The following ST6GALNAC3 variants were observed in gnomAD, a reference collection of about 807,000 sequenced individuals.
The protein encoded by ST6GALNAC3 is alpha-N-acetylgalactosaminide alpha-2,6-sialyltransferase 3.
Under a neutral mutation model 32.7 loss-of-function variants are expected in ST6GALNAC3, and 25 were observed. That is an observed-to-expected ratio of 0.76 (90% CI 0.56 to 1.07). ST6GALNAC3 has a LOEUF of 1.07. Ranked by LOEUF, ST6GALNAC3 falls within the 50% of genes least tolerant of loss-of-function variation. ST6GALNAC3 has a pLI of 0.00. For synonymous variants in ST6GALNAC3, 129 were observed against 133.1 expected (o/e 0.97, Z 0.21); for missense variants, 355 against 382.4 (o/e 0.93, Z 0.60).
At chr1:76,463,161 T>A (rs552676409) in intron 3 of ST6GALNAC3, among the ~76,000 whole-genome samples, 2 of 152,312 alleles carry the variant, frequency 1.3e-5, no homozygotes, top group East Asian at 3.9e-4. Context: ...GTTCTAAAAA[T>A]TTTAATAGTG....
chr1:76,579,624 T>G (rs1242448409), intron 3 of ST6GALNAC3, among the ~76,000 whole-genome samples: 1 of 152,064 alleles, frequency 6.6e-6, no homozygotes, highest in Non-Finnish European at 1.5e-5. Flanking sequence ...CCTTTTCTTT[T>G]TTTCTTCTTG....
At chr1:76,364,606 C>G (rs1357534369) in intron 2 of ST6GALNAC3, among the ~76,000 whole-genome samples, 1 of 150,976 alleles carries the variant, frequency 6.6e-6, no homozygotes, top group Non-Finnish European at 1.5e-5. Flanking sequence ...CAATATTTTC[C>G]AAACTTATTA....
Position 76,357,385 on chromosome 1 carries a change from C to T in ST6GALNAC3, c.213+43386C>T, listed in dbSNP as rs1354457221. On this transcript the variant is annotated intron_variant, in intron 2 of 4. Transcript: ENST00000328299. ...TCCTGACCCCAGGTGATCAACCCGCCTTGGCCTCCAAAAGACCATGCTGGT... is the reference window on the plus strand; with the variant it reads ...TCCTGACCCCAGGTGATCAACCCGCTTTGGCCTCCAAAAGACCATGCTGGT... Among the ~76,000 whole-genome samples, 3 of 152,130 alleles carry T rather than the reference C, an allele frequency of 2.0e-5. No individual in the cohort carries two copies. In the South Asian group the frequency reaches 6.2e-4, roughly 32 times the overall value.
intron 1 of ST6GALNAC3, among the ~76,000 whole-genome samples, chr1:76,153,039 A>T (rs1446554556): frequency 6.6e-6 from 1 of 152,228 alleles, no homozygotes; most frequent in African/African-American, 2.4e-5. Context: ...CGTTTTGAAG[A>T]TATTGGATAC....
chr1:76,266,747 T>G (rs1658550010), intron 1 of ST6GALNAC3, among the ~76,000 whole-genome samples: 1 of 152,162 alleles, frequency 6.6e-6, no homozygotes, highest in Non-Finnish European at 1.5e-5. Flanking sequence ...AGCCACCGAC[T>G]GTGCTCTCTT....
chr1:76,464,243 T>C (rs140476975), intron 3 of ST6GALNAC3, among the ~76,000 whole-genome samples: 1 of 152,294 alleles, frequency 6.6e-6, no homozygotes, highest in East Asian at 1.9e-4. Context: ...TTCAAAAGAC[T>C]TACGTATTTG....
At position 76,622,376 on chromosome 1, in the gene ST6GALNAC3, G is replaced by A. The variant is rs984558253; in HGVS notation, c.624-5076G>A. Among the ~76,000 whole-genome samples, 5 of 151,976 alleles carry A rather than the reference G, an allele frequency of 3.3e-5. No individual in the cohort carries two copies. In the South Asian group the frequency reaches 8.3e-4, roughly 25 times the overall value. ...TAAGATAATGGGTTTAGATGGACTT[G>A]TAAAGAAGGGAGAAGGAAGTACGAT... On this transcript the variant is annotated intron_variant, in intron 3 of 4. Transcript: ENST00000328299.
In ST6GALNAC3 at chr1:76,629,282, G is replaced by A; in HGVS notation, c.*476G>A. On this transcript the variant is annotated 3_prime_UTR_variant, in exon 5 of 5. Transcript: ENST00000328299. The stretch of plus-strand genomic sequence containing the variant: ...ACACTGACCCAAGAACTGCTATCAG[G>A]GTGCAAGTATCTTACTACTTAGCCT... The A allele has an allele frequency of 7.1e-6, 7 of 988,214 alleles. No homozygotes were observed. Among genetic ancestry groups the A allele is most frequent in the Non-Finnish European group, 8.4e-6 (7 of 832,158 alleles). The allele number at this position is 988,214 out of a possible 1,614,324, so 61.2% of individuals were successfully genotyped here. A position where few individuals can be genotyped will look rare whatever the true frequency, so the allele number is the denominator to read the frequency against.
intron 1 of ST6GALNAC3, among the ~76,000 whole-genome samples, chr1:76,226,374 G>C (rs1406607927): frequency 2.0e-5 from 3 of 152,164 alleles, no homozygotes; most frequent in East Asian, 3.9e-4. Context: ...GCTTCCTTCG[G>C]TCTAGTTGGA....
chr1:76,488,061 TG>T (rs1660243996), intron 3 of ST6GALNAC3, among the ~76,000 whole-genome samples: 2 of 152,122 alleles, frequency 1.3e-5, no homozygotes, highest in African/African-American at 4.8e-5. Context: ...CCAGAAGTCC[TG>T]GGAAGAAGAG....
chr1:76,439,621 C>G (rs1261440198), intron 3 of ST6GALNAC3, among the ~76,000 whole-genome samples: 2 of 152,220 alleles, frequency 1.3e-5, no homozygotes, highest in East Asian at 3.9e-4. Context: ...ATAGCATACA[C>G]CCTGTTAGGA....
chr1:76,558,595 A>G (rs938983682), intron 3 of ST6GALNAC3, among the ~76,000 whole-genome samples: 7 of 152,064 alleles, frequency 4.6e-5, no homozygotes, highest in African/African-American at 1.7e-4. Context: ...GGGGACCCCT[A>G]GAGTAGGGAG....
chr1:76,281,749 A>C (rs939584443), intron 1 of ST6GALNAC3, among the ~76,000 whole-genome samples: 1 of 152,116 alleles, frequency 6.6e-6, no homozygotes, highest in African/African-American at 2.4e-5. Flanking sequence ...TCACTTTGCT[A>C]CTCGATTATG....
chr1:76,239,252 T>A (rs1656834155), intron 1 of ST6GALNAC3, among the ~76,000 whole-genome samples: 1 of 152,068 alleles, frequency 6.6e-6, no homozygotes, highest in Non-Finnish European at 1.5e-5. Context: ...AGTTTTTGAA[T>A]ATATGGCCCA....
At chr1:76,344,244 A>G (rs576380438) in intron 2 of ST6GALNAC3, among the ~76,000 whole-genome samples, 8 of 152,320 alleles carry the variant, frequency 5.3e-5, no homozygotes, top group African/African-American at 1.4e-4. Flanking sequence ...GGTCAGAAAC[A>G]GAAACAATTT....
intron 1 of ST6GALNAC3, among the ~76,000 whole-genome samples, chr1:76,089,239 G>T (rs1647008226): frequency 6.6e-6 from 1 of 151,990 alleles, no homozygotes; most frequent in South Asian, 2.1e-4. Context: ...TTTTAGAAGA[G>T]ACGGGGTTTC....
intron 1 of ST6GALNAC3, among the ~76,000 whole-genome samples, chr1:76,155,068 A>G (rs531520920): frequency 7.1e-4 from 108 of 151,814 alleles, no homozygotes; most frequent in Non-Finnish European, 1.3e-3. Context: ...TGTGAGGGTG[A>G]CCTTCTCTTT....
intron 2 of ST6GALNAC3, among the ~76,000 whole-genome samples, chr1:76,322,269 A>C (rs1007450168): frequency 6.6e-6 from 1 of 152,212 alleles, no homozygotes; most frequent in African/African-American, 2.4e-5. Context: ...GACTAGTGCG[A>C]AAAGCTTTCA....
chr1:76,576,954 C>A, intron 3 of ST6GALNAC3: 1 of 1,286,666 alleles, frequency 7.8e-7, no homozygotes, highest in South Asian at 1.3e-5. Flanking sequence ...AAGAAACAAA[C>A]AAACAAACAA....
Sources: allele counts gnomAD v4.1 joint callset (sites outside exome capture counted in the v4.1 genomes callset), GRCh38; gene constraint gnomAD v4.1.1; transcripts MANE v1.5; gene names NCBI Gene and HGNC (gene_info 2026-07-23, HGNC 2026-07-21).